AGMO: variants seen among roughly 807,000 people sequenced by gnomAD.
AGMO encodes the protein alkylglycerol monooxygenase.
In AGMO, 75 loss-of-function variants were observed where a neutral mutation model predicts 60.2. The observed-to-expected ratio is 1.25, with a 90% CI of 1.03 to 1.51. AGMO has a LOEUF of 1.51. AGMO is among the 40% of genes most tolerant of loss of function. The pLI, the probability that AGMO is intolerant of heterozygous loss-of-function variation, is 0.00. For missense variants in AGMO, 763 were observed against 525.5 expected (o/e 1.45, Z -4.42); for synonymous variants, 261 against 177.1 (o/e 1.47, Z -3.76).
At position 15,354,339 on chromosome 7, in the gene AGMO, T is replaced by TAG. The variant is rs1563104849; in HGVS notation, c.1263+11174_1263+11175insCT. Among the ~76,000 whole-genome samples, 24 of 70,726 alleles carry TAG rather than the reference T, an allele frequency of 3.4e-4. 3 individuals carry two copies. The highest frequency in any genetic ancestry group is 2.8e-4 in the African/African-American group (4 of 14,468). 46.4% of individuals were successfully genotyped at this position (70,726 alleles called of 152,430 possible). ...GCGTGTATATACGTACGCGTGTATA[T>TAG]ACACGCGTGTATATAGACGTGTGTA... On this transcript the variant is annotated intron_variant, in intron 12 of 12. Coordinates refer to ENST00000342526, the MANE Select transcript of AGMO (RefSeq NM_001004320.2).
At chr7:15,380,239 C>T (rs10245937) in intron 10 of AGMO, among the ~76,000 whole-genome samples, 59,831 of 151,676 alleles carry the variant, frequency 0.39, 12,539 homozygotes, top group African/African-American at 0.54. Flanking sequence ...TTGCAGACGA[C>T]ATGATCCTCT....
intron 3 of AGMO, among the ~76,000 whole-genome samples, chr7:15,505,427 A>C (rs958657749): frequency 2.0e-5 from 3 of 151,934 alleles, no homozygotes; most frequent in Non-Finnish European, 2.9e-5. Context: ...ATTTAGAGAA[A>C]TCTGTGCGTA....
chr7:15,270,710 ATCT>A (rs1002792768), intron 12 of AGMO, among the ~76,000 whole-genome samples: 3 of 134,126 alleles, frequency 2.2e-5, no homozygotes, highest in African/African-American at 8.2e-5. Flanking sequence ...TGCTTTTGGG[ATCT>A]TCTTCATAAA....
At chr7:15,534,713 A>G (rs1468135962) in intron 3 of AGMO, among the ~76,000 whole-genome samples, 1 of 151,924 alleles carries the variant, frequency 6.6e-6, no homozygotes, top group Non-Finnish European at 1.5e-5. Context: ...ATACATTTGT[A>G]CATATACACA....
chr7:15,182,113 A>G, the AGMO span, among the ~76,000 whole-genome samples: 1 of 152,216 alleles, frequency 6.6e-6, no homozygotes, highest in African/African-American at 2.4e-5. Flanking sequence ...AAGGAAAAAT[A>G]TTACATAATT....
the AGMO span, among the ~76,000 whole-genome samples, chr7:15,168,382 T>C: frequency 1.3e-5 from 2 of 152,180 alleles, no homozygotes; most frequent in African/African-American, 4.8e-5. Flanking sequence ...AATACATTAA[T>C]AGTTAGATCA....
the AGMO span, among the ~76,000 whole-genome samples, chr7:15,165,792 A>G: frequency 6.6e-6 from 1 of 152,172 alleles, no homozygotes; most frequent in Non-Finnish European, 1.5e-5. Context: ...TATAAATGAG[A>G]ATCTATAAAA....
At chr7:15,117,417 T>C in the AGMO span, among the ~76,000 whole-genome samples, 1 of 152,040 alleles carries the variant, frequency 6.6e-6, no homozygotes, top group African/African-American at 2.4e-5. Context: ...ACCTTGATTG[T>C]TGTGATGGTT....
chr7:15,234,881 AC>A (rs1782371769), intron 12 of AGMO, among the ~76,000 whole-genome samples: 1 of 152,146 alleles, frequency 6.6e-6, no homozygotes, highest in Admixed American at 6.5e-5. Context: ...CAGTACAAAA[AC>A]AAAAGACATG....
chr7:15,165,271 A>G, the AGMO span, among the ~76,000 whole-genome samples: 2 of 152,212 alleles, frequency 1.3e-5, no homozygotes, highest in African/African-American at 4.8e-5. Context: ...AAAATTTCCT[A>G]TTGGGTACAG....
chr7:15,458,028 T>C (rs1227250355), intron 3 of AGMO, among the ~76,000 whole-genome samples: 1 of 152,178 alleles, frequency 6.6e-6, no homozygotes, highest in Non-Finnish European at 1.5e-5. Flanking sequence ...GGACTGCTTA[T>C]TCTCTCACTT....
chr7:15,265,934 G>T (rs766030948), intron 12 of AGMO, among the ~76,000 whole-genome samples: 3 of 152,064 alleles, frequency 2.0e-5, no homozygotes, highest in African/African-American at 4.8e-5. Context: ...ACATACAATA[G>T]AATATTATTC....
At chr7:15,247,970 G>A (rs1235872767) in intron 12 of AGMO, among the ~76,000 whole-genome samples, 1 of 151,122 alleles carries the variant, frequency 6.6e-6, no homozygotes, top group African/African-American at 2.4e-5. Context: ...ATCAAACAAA[G>A]CCTCTTAGAG....
chr7:15,365,188 C>T (rs1782921892), intron 12 of AGMO, among the ~76,000 whole-genome samples: 1 of 151,804 alleles, frequency 6.6e-6, no homozygotes, highest in Admixed American at 6.6e-5. Flanking sequence ...CTGCCAAAAA[C>T]TTCTTGTAAA....
intron 12 of AGMO, among the ~76,000 whole-genome samples, chr7:15,285,983 C>A (rs956153137): frequency 7.9e-5 from 12 of 151,972 alleles, no homozygotes; most frequent in African/African-American, 2.7e-4. Flanking sequence ...GAAAGGACAC[C>A]TTATTTAATA....
chr7:15,543,132 G>C (rs1784677606), intron 3 of AGMO, among the ~76,000 whole-genome samples: 1 of 151,944 alleles, frequency 6.6e-6, no homozygotes, highest in South Asian at 2.1e-4. Context: ...TATTATTCCA[G>C]GTTCCTTCCT....
chr7:15,313,514 T>C (rs1323892851), intron 12 of AGMO, among the ~76,000 whole-genome samples: 1 of 152,186 alleles, frequency 6.6e-6, no homozygotes, highest in Non-Finnish European at 1.5e-5. Flanking sequence ...TACCAGCAGA[T>C]GTGCTTATAT....
intron 3 of AGMO, among the ~76,000 whole-genome samples, chr7:15,506,621 T>C (rs960600614): frequency 6.6e-6 from 1 of 152,088 alleles, no homozygotes; most frequent in East Asian, 1.9e-4. Flanking sequence ...AAGCCAAGTT[T>C]CTCAAATATT....
the AGMO span, among the ~76,000 whole-genome samples, chr7:15,153,815 A>C: frequency 6.6e-6 from 1 of 152,132 alleles, no homozygotes; most frequent in Non-Finnish European, 1.5e-5. Flanking sequence ...GCTTTTGGCT[A>C]TGCAAGCTAT....
Sources: gnomAD v4.1 joint callset for allele counts (sites outside exome capture counted in the v4.1 genomes callset) on GRCh38, gnomAD v4.1.1 for gene constraint, MANE v1.5 for transcripts, NCBI Gene and HGNC (gene_info 2026-07-23, HGNC 2026-07-21) for gene names.